The following RANBP2 variants were observed in gnomAD, a reference collection of about 807,000 sequenced individuals.
RANBP2 encodes E3 SUMO-protein ligase RanBP2.
RANBP2 carries 57 observed loss-of-function variants against 303.6 expected under a neutral mutation model. The ratio of observed to expected loss-of-function variants is 0.19; its 90% CI spans 0.15 to 0.23. RANBP2 has a LOEUF of 0.23. RANBP2 is among the 10% of genes least tolerant of loss of function. The pLI is 1.00. For synonymous variants in RANBP2, 1,167 were observed against 1,301.5 expected, an observed-to-expected ratio of 0.90 and a Z score of 2.23; for missense variants, 3,138 against 3,780.8, an observed-to-expected ratio of 0.83 and a Z score of 4.46.
intron 4 of RANBP2, among the ~76,000 whole-genome samples, chr2:108,734,754 C>G (rs1695436457): frequency 1.3e-5 from 2 of 151,318 alleles, no homozygotes; most frequent in Admixed American, 1.3e-4. Flanking sequence ...GTGGTATGAC[C>G]AAAATACAGA....
the RANBP2 span, among the ~76,000 whole-genome samples, chr2:108,873,831 C>T: frequency 4.6e-5 from 7 of 152,060 alleles, no homozygotes; most frequent in Admixed American, 1.3e-4. Context: ...CATCCTGGGC[C>T]GCATGCAGCC....
chr2:108,843,873 TG>T, the RANBP2 span, among the ~76,000 whole-genome samples: 7,575 of 36,694 alleles, frequency 0.21, 366 homozygotes, highest in Non-Finnish European at 0.29. Context: ...TGTGTGTGTG[TG>T]TGTGTTTCTT....
At chr2:109,228,767 CTG>C in the RANBP2 span, among the ~76,000 whole-genome samples, 2 of 152,144 alleles carry the variant, frequency 1.3e-5, no homozygotes, top group Non-Finnish European at 2.9e-5. Context: ...GCTTCCGTCT[CTG>C]TGGAGTTAGA....
chr2:108,926,666 T>C, the RANBP2 span, among the ~76,000 whole-genome samples: 5 of 152,158 alleles, frequency 3.3e-5, no homozygotes, highest in Admixed American at 6.5e-5. Context: ...TCCCAGGTCC[T>C]CCCACACAAC....
the RANBP2 span, chr2:108,923,436 T>C: frequency 6.2e-7 from 1 of 1,614,182 alleles, no homozygotes; most frequent in Non-Finnish European, 8.5e-7. Context: ...CCTCGGTCTG[T>C]TCTCCAGCAT....
At chr2:108,864,540 G>C in the RANBP2 span, among the ~76,000 whole-genome samples, 1 of 152,026 alleles carries the variant, frequency 6.6e-6, no homozygotes, top group Non-Finnish European at 1.5e-5. Context: ...GCTCACACCT[G>C]TAATCCCAGC....
the RANBP2 span, among the ~76,000 whole-genome samples, chr2:109,727,086 T>C: frequency 6.7e-6 from 1 of 148,574 alleles, no homozygotes; most frequent in South Asian, 2.1e-4. Context: ...ACAAGCACTG[T>C]GCATCACCTT....
At chr2:109,737,852 A>C in the RANBP2 span, among the ~76,000 whole-genome samples, 1 of 152,040 alleles carries the variant, frequency 6.6e-6, no homozygotes, top group African/African-American at 2.4e-5. Flanking sequence ...TTTTTCTTAT[A>C]CTTGTTGGCC....
the RANBP2 span, among the ~76,000 whole-genome samples, chr2:109,337,679 G>A: frequency 1.3e-5 from 2 of 151,878 alleles, no homozygotes; most frequent in African/African-American, 4.8e-5. Flanking sequence ...ATCAGCATAT[G>A]CCGTATGCTA....
At chr2:108,793,417 G>GTATA in the RANBP2 span, among the ~76,000 whole-genome samples, 1 of 152,156 alleles carries the variant, frequency 6.6e-6, no homozygotes, top group Non-Finnish European at 1.5e-5. Flanking sequence ...AATTCTGACA[G>GTATA]TATAGTGCTG....
chr2:109,392,394 T>G, the RANBP2 span, among the ~76,000 whole-genome samples: 1 of 152,304 alleles, frequency 6.6e-6, no homozygotes, highest in East Asian at 1.9e-4. Flanking sequence ...CTCAGTTTCC[T>G]TATCTGTAAA....
At chr2:108,868,985 A>G in the RANBP2 span, among the ~76,000 whole-genome samples, 19 of 152,272 alleles carry the variant, frequency 1.2e-4, no homozygotes, top group South Asian at 2.9e-3. Context: ...AACACAGACT[A>G]TACTTCATAC....
the RANBP2 span, among the ~76,000 whole-genome samples, chr2:109,680,395 T>TA: frequency 4.0e-5 from 6 of 150,316 alleles, no homozygotes; most frequent in East Asian, 1.9e-4. Flanking sequence ...AAAAAAAATT[T>TA]AAAAAAAGAT....
downstream of RANBP2, chr2:108,789,020 GAGAA>G (rs1244135830): frequency 3.1e-6 from 5 of 1,592,064 alleles, no homozygotes; most frequent in East Asian, 4.5e-5. Flanking sequence ...TCAAAAAACT[GAGAA>G]AGAGAAAAGG....
At chr2:109,270,605 C>T in the RANBP2 span, among the ~76,000 whole-genome samples, 1 of 152,110 alleles carries the variant, frequency 6.6e-6, no homozygotes, top group Non-Finnish European at 1.5e-5. Context: ...CCCAGGAGGC[C>T]ACGGGTGCAG....
At chr2:108,775,029 T>C (rs1677776897) in intron 23 of RANBP2, among the ~76,000 whole-genome samples, 1 of 152,222 alleles carries the variant, frequency 6.6e-6, no homozygotes, top group Non-Finnish European at 1.5e-5. Flanking sequence ...ATTATGAATT[T>C]AAGATCATTC....
the RANBP2 span, among the ~76,000 whole-genome samples, chr2:109,317,950 G>C: frequency 6.6e-6 from 1 of 152,074 alleles, no homozygotes; most frequent in African/African-American, 2.4e-5. Flanking sequence ...CAACTCTGCC[G>C]CTTGTCCTGA....
At chr2:109,471,238 A>G in the RANBP2 span, among the ~76,000 whole-genome samples, 2 of 150,154 alleles carry the variant, frequency 1.3e-5, no homozygotes, top group Admixed American at 6.6e-5. Context: ...AAAAGAAATT[A>G]ATACCTGAGA....
chr2:109,361,201 T>C, the RANBP2 span, among the ~76,000 whole-genome samples: 1 of 152,234 alleles, frequency 6.6e-6, no homozygotes, highest in African/African-American at 2.4e-5. Context: ...TATAATTCTT[T>C]TTATACCTTG....
Sources: gnomAD v4.1 joint callset for allele counts (sites outside exome capture counted in the v4.1 genomes callset) on GRCh38, gnomAD v4.1.1 for gene constraint, MANE v1.5 for transcripts, NCBI Gene and HGNC (gene_info 2026-07-23, HGNC 2026-07-21) for gene names.